The following UBE2U variants were observed in gnomAD, a reference collection of about 807,000 sequenced individuals.
UBE2U encodes ubiquitin-conjugating enzyme E2 U.
Under a neutral mutation model 41.2 loss-of-function variants are expected in UBE2U, and 39 were observed. The observed-to-expected ratio is 0.95, with a 90% CI of 0.73 to 1.24. UBE2U has a LOEUF of 1.24. Ranked by LOEUF, UBE2U falls within the 50% of genes most tolerant of loss-of-function variation. The probability of loss-of-function intolerance (pLI) is 0.00; values close to 1 mark genes in which losing one functional copy is unlikely to be tolerated. For missense variants in UBE2U, 336 were observed against 363.1 expected, an observed-to-expected ratio of 0.93 and a Z score of 0.61; for synonymous variants, 107 against 117.8, an observed-to-expected ratio of 0.91 and a Z score of 0.60.
At chr1:64,241,294 A>T (rs1404282479) in intron 7 of UBE2U, among the ~76,000 whole-genome samples, 1 of 152,190 alleles carries the variant, frequency 6.6e-6, no homozygotes, top group Non-Finnish European at 1.5e-5. Context: ...ATTGCATGAC[A>T]CTTAGCATGA....
intron 3 of UBE2U, among the ~76,000 whole-genome samples, chr1:64,208,640 A>G (rs1481866548): frequency 1.0e-5 from 1 of 97,842 alleles, no homozygotes; most frequent in Non-Finnish European, 2.1e-5. Flanking sequence ...AAAAAAAAAA[A>G]AAAAAAGATG....
At chr1:64,213,253 TA>T (rs1168202764) in intron 4 of UBE2U, among the ~76,000 whole-genome samples, 1 of 151,772 alleles carries the variant, frequency 6.6e-6, no homozygotes, top group Non-Finnish European at 1.5e-5. Flanking sequence ...TCAATTCAGA[TA>T]AAAAAAACAT....
At chr1:64,244,929 G>T (rs911250719) in intron 8 of UBE2U, among the ~76,000 whole-genome samples, 1 of 152,158 alleles carries the variant, frequency 6.6e-6, no homozygotes, top group Non-Finnish European at 1.5e-5. Context: ...TGTGAAGAAA[G>T]TTCATTTTAG....
At chr1:64,204,215 C>A in intron 1 of UBE2U, 99 bp downstream of exon 1, 3 of 1,047,392 alleles carry the variant, frequency 2.9e-6, no homozygotes, top group South Asian at 3.6e-5. Flanking sequence ...TTAGTTAAAC[C>A]TGATTTGCCA....
At chr1:64,207,585 TA>T (rs1184314075) in intron 3 of UBE2U, among the ~76,000 whole-genome samples, 1 of 152,172 alleles carries the variant, frequency 6.6e-6, no homozygotes, top group African/African-American at 2.4e-5. Flanking sequence ...TTCATTATTA[TA>T]AAAAAACGAT....
chr1:64,226,708 A>G (rs1652892670), intron 6 of UBE2U, among the ~76,000 whole-genome samples: 1 of 143,890 alleles, frequency 6.9e-6, no homozygotes, highest in South Asian at 2.3e-4. Flanking sequence ...CAACTCTCTT[A>G]TATTTCTAAA....
chr1:64,221,272 C>T (rs754346336), intron 6 of UBE2U, among the ~76,000 whole-genome samples: 10 of 152,024 alleles, frequency 6.6e-5, no homozygotes, highest in Admixed American at 1.3e-4. Flanking sequence ...CCACCACACC[C>T]GGCTAATTTT....
chr1:64,243,066 AGCTGTTTGAGT>A (rs761374577), intron 8 of UBE2U, among the ~76,000 whole-genome samples: 11 of 152,170 alleles, frequency 7.2e-5, no homozygotes, highest in Non-Finnish European at 1.5e-4. Context: ...AATAATTGTG[AGCTGTTTGAGT>A]GCTGGAACAT....
chr1:64,266,972 G>A, intron 9 of UBE2U, 52 bp from the exon 10 acceptor site: 1 of 1,476,930 alleles, frequency 6.8e-7, no homozygotes, highest in Non-Finnish European at 9.1e-7. Context: ...TCTTTTTATT[G>A]TTTTTCTTAT....
chr1:64,232,818 C>A (rs535161186), intron 7 of UBE2U, among the ~76,000 whole-genome samples, 169 bp downstream of exon 7: 9 of 150,040 alleles, frequency 6.0e-5, no homozygotes, highest in Admixed American at 4.6e-4. Context: ...TTCTTTTTTT[C>A]AAAAAAAAAT....
intron 7 of UBE2U, among the ~76,000 whole-genome samples, chr1:64,239,888 A>T (rs1644805682): frequency 6.6e-6 from 1 of 152,120 alleles, no homozygotes; most frequent in African/African-American, 2.4e-5. Flanking sequence ...TACACCCAGT[A>T]ATGGGATGGC....
chr1:64,264,716 G>A (rs1313438531), intron 9 of UBE2U, among the ~76,000 whole-genome samples: 1 of 152,202 alleles, frequency 6.6e-6, no homozygotes, highest in African/African-American at 2.4e-5. Context: ...ACTTTGGGAG[G>A]CCAAGGTGGG....
At chr1:64,234,435 T>G (rs1413575601) in intron 7 of UBE2U, among the ~76,000 whole-genome samples, 1 of 152,210 alleles carries the variant, frequency 6.6e-6, no homozygotes, top group Admixed American at 6.5e-5. Flanking sequence ...TGCCTTAATT[T>G]GAAGTCTCTT....
chr1:64,244,451 C>G, intron 8 of UBE2U: 1 of 194,388 alleles, frequency 5.1e-6, no homozygotes, highest in Non-Finnish European at 9.4e-6. Context: ...AAAGTTCATG[C>G]CACCCTACTT....
intron 8 of UBE2U, among the ~76,000 whole-genome samples, chr1:64,257,769 TTAAAA>T (rs1262412179): frequency 7.9e-5 from 12 of 152,256 alleles, no homozygotes; most frequent in South Asian, 4.1e-4. Flanking sequence ...ACCCCTGAAC[TTAAAA>T]TAAAAGTTGA....
chr1:64,251,101 C>T (rs992269603), intron 8 of UBE2U, among the ~76,000 whole-genome samples: 16 of 151,306 alleles, frequency 1.1e-4, no homozygotes, highest in East Asian at 7.7e-4. Context: ...AATCCTTCCC[C>T]GCCCCCCCAA....
At chr1:64,239,194 GCC>G (rs1644787589) in intron 7 of UBE2U, among the ~76,000 whole-genome samples, 1 of 130,126 alleles carries the variant, frequency 7.7e-6, no homozygotes. Context: ...GAAGAAGAAA[GCC>G]CCAGACAAGG....
At chr1:64,215,231 C>T (rs912793216) in intron 5 of UBE2U, among the ~76,000 whole-genome samples, 3 of 140,828 alleles carry the variant, frequency 2.1e-5, no homozygotes, top group African/African-American at 7.9e-5. Context: ...AACTCTGTCT[C>T]AAAAAAAAAA....
intron 9 of UBE2U, among the ~76,000 whole-genome samples, chr1:64,261,809 G>C (rs934572146): frequency 6.6e-6 from 1 of 152,166 alleles, no homozygotes; most frequent in African/African-American, 2.4e-5. Flanking sequence ...AGATCAGTTG[G>C]TTAAGTTGAT....
Sources: allele counts gnomAD v4.1 joint callset (sites outside exome capture counted in the v4.1 genomes callset), GRCh38; gene constraint gnomAD v4.1.1; transcripts MANE v1.5; gene names NCBI Gene and HGNC (gene_info 2026-07-23, HGNC 2026-07-21).